CUBN: variants seen among roughly 807,000 people sequenced by gnomAD.
CUBN encodes the protein 460 kDa receptor.
Under a neutral mutation model 405.3 loss-of-function variants are expected in CUBN, and 282 were observed. The ratio of observed to expected loss-of-function variants is 0.70; its 90% CI spans 0.63 to 0.77. The LOEUF is 0.77. Ranked by LOEUF, CUBN falls within the 30% of genes least tolerant of loss-of-function variation. The pLI is 0.00. For synonymous variants in CUBN, 1,684 were observed against 1,617.0 expected, an observed-to-expected ratio of 1.04 and a Z score of -0.99; for missense variants, 4,514 against 4,475.2, an observed-to-expected ratio of 1.01 and a Z score of -0.25.
intron 36 of CUBN, among the ~76,000 whole-genome samples, chr10:16,945,320 C>T (rs1030815818): frequency 6.6e-6 from 1 of 152,176 alleles, no homozygotes; most frequent in African/African-American, 2.4e-5. Context: ...ATAGAAGGCA[C>T]CTCATAGGAG....
intron 5 of CUBN, chr10:17,123,312 T>G: frequency 1.9e-6 from 1 of 520,018 alleles, no homozygotes; most frequent in Non-Finnish European, 3.5e-6. Context: ...TTTCCAATGC[T>G]GAACAATTTA....
chr10:16,966,234 G>A lies in CUBN; in HGVS notation c.4696-11686C>T, dbSNP rs144705361. Among the ~76,000 whole-genome samples, 1,371 of 152,278 alleles carry A rather than the reference G, an allele frequency of 9.0e-3. 11 individuals carry two copies. The highest frequency in any genetic ancestry group is 0.015 in the Non-Finnish European group (1,053 of 68,022). On this transcript the variant is annotated intron_variant, in intron 31 of 66. Transcript: ENST00000377833. ...TGTCCTGCATTCCATTCCAGTGAAC[G>A]TGCATGGGATTCCCAGCATGGCTCA...
intron 4 of CUBN, among the ~76,000 whole-genome samples, chr10:17,126,347 T>C (rs1039862752): frequency 2.6e-5 from 4 of 152,136 alleles, no homozygotes; most frequent in South Asian, 4.1e-4. Flanking sequence ...TTTAAGAAAA[T>C]TCGGACTATT....
chr10:16,881,311 C>G (rs2131384480), intron 56 of CUBN, among the ~76,000 whole-genome samples: 1 of 152,262 alleles, frequency 6.6e-6, no homozygotes, highest in African/African-American at 2.4e-5. Context: ...TCTTAGAAAA[C>G]AGTGAAAAGG....
intron 27 of CUBN, among the ~76,000 whole-genome samples, chr10:17,031,769 G>A (rs947826993): frequency 6.6e-6 from 1 of 152,180 alleles, no homozygotes. Context: ...CTAAAGACTG[G>A]CGTTTACCTT....
At chr10:16,838,470 A>AT (rs1839241879) in intron 62 of CUBN, among the ~76,000 whole-genome samples, 1 of 152,222 alleles carries the variant, frequency 6.6e-6, no homozygotes, top group Non-Finnish European at 1.5e-5. Flanking sequence ...ATCCCTTTGC[A>AT]TATTTTCCCC....
Position 17,041,105 on chromosome 10 carries a change from G to C in CUBN, c.3945C>G (p.Gly1315=). Reference sequence around the variant, plus strand: ...CTAAAAATGTGTAGTTCACAGTGTTGCCTGTTGTTGCCCGGATGGTCCAGT... The same window carrying C: ...CTAAAAATGTGTAGTTCACAGTGTTCCCTGTTGTTGCCCGGATGGTCCAGT... The part of the protein sequence containing the change: ...HCNWTIRATT[G]NTVNYTFLAF... The change falls in exon 27 of 67, where the codon GGC becomes GGG. Residue 1315 remains glycine, a synonymous_variant. Transcript: ENST00000377833. 1 of 1,613,424 alleles carries C rather than the reference G, an allele frequency of 6.2e-7. No individual in the cohort carries two copies. The highest frequency in any genetic ancestry group is 8.5e-7 in the Non-Finnish European group (1 of 1,179,674).
At chr10:16,837,393 C>T (rs1331384179) in intron 62 of CUBN, among the ~76,000 whole-genome samples, 2 of 152,102 alleles carry the variant, frequency 1.3e-5, no homozygotes, top group African/African-American at 4.8e-5. Flanking sequence ...TCGACGGTCT[C>T]TACATCTGGC....
intron 15 of CUBN, among the ~76,000 whole-genome samples, chr10:17,085,993 G>C (rs1359242250): frequency 7.0e-6 from 1 of 142,160 alleles, no homozygotes; most frequent in Non-Finnish European, 1.5e-5. Context: ...TTGAGATGGA[G>C]TCTTGCTCTG....
intron 29 of CUBN, among the ~76,000 whole-genome samples, chr10:16,988,123 C>T (rs1013880874): frequency 2.0e-5 from 3 of 152,158 alleles, no homozygotes; most frequent in Admixed American, 6.5e-5. Flanking sequence ...TACTTTCTCC[C>T]GTAATGGGTA....
At chr10:17,024,056 C>T (rs1381668198) in intron 27 of CUBN, among the ~76,000 whole-genome samples, 1 of 144,312 alleles carries the variant, frequency 6.9e-6, no homozygotes, top group South Asian at 2.4e-4. Context: ...CTTAGCCATA[C>T]TTACCAGTTT....
intron 43 of CUBN, among the ~76,000 whole-genome samples, chr10:16,920,929 C>T (rs576209968): frequency 6.6e-6 from 1 of 152,308 alleles, no homozygotes; most frequent in South Asian, 2.1e-4. Context: ...TGTCATACTT[C>T]CAACTCCCCC....
Position 16,888,499 on chromosome 10 carries a change from G to A in CUBN, c.8823C>T (p.Asp2941=). 6.2e-7 allele frequency: 1 copy of A among 1,613,248 alleles called. No individual in the cohort carries two copies. The highest frequency in any genetic ancestry group is 8.5e-7 in the Non-Finnish European group (1 of 1,179,292). ...IISPNYPKQY[D]NNMNCTYVIE... is the part of the protein sequence containing the mutation. ...TGACATAGGTGCAATTCATGTTGTT[G>A]TCATATTGTTTTGGGTAATTTGGAG... Residue 2941 remains aspartate, a synonymous_variant, in exon 56 of 67, where the codon GAC becomes GAT. Coordinates refer to ENST00000377833, the MANE Select transcript of CUBN (RefSeq NM_001081.4).
At chr10:16,960,176 A>G (rs1188211050) in intron 31 of CUBN, among the ~76,000 whole-genome samples, 2 of 152,192 alleles carry the variant, frequency 1.3e-5, no homozygotes, top group East Asian at 3.8e-4. Context: ...ATAAAATGCC[A>G]AGATACTAAC....
At chr10:16,898,577 C>A (rs969050172) in intron 54 of CUBN, among the ~76,000 whole-genome samples, 3 of 152,172 alleles carry the variant, frequency 2.0e-5, no homozygotes, top group African/African-American at 7.2e-5. Flanking sequence ...CACTGCCACA[C>A]GAGCAGCATT....
chr10:17,027,718 T>C lies in CUBN; in HGVS notation c.4018-7735A>G, dbSNP rs141219529. Among the ~76,000 whole-genome samples the C allele has an allele frequency of 8.5e-5, 13 of 152,350 alleles. No individual in the cohort carries two copies. The East Asian group carries it at 2.5e-3, about 29-fold the overall frequency. On this transcript the variant is annotated intron_variant, in intron 27 of 66. Coordinates refer to ENST00000377833, the MANE Select transcript of CUBN (RefSeq NM_001081.4). ...GGCCTACTAAAAATATTAAATTGTC[T>C]ATCTCCATAATCTTTTCTTAAGTAT...
intron 4 of CUBN, among the ~76,000 whole-genome samples, 158 bp downstream of exon 4, chr10:17,126,603 C>A (rs1237270060): frequency 6.6e-6 from 1 of 152,138 alleles, no homozygotes; most frequent in Admixed American, 6.5e-5. Context: ...GCATCTGCAT[C>A]CTGGGAAGCA....
chr10:17,107,190 T>C (rs773147224), intron 10 of CUBN, among the ~76,000 whole-genome samples: 5 of 152,204 alleles, frequency 3.3e-5, no homozygotes, highest in Admixed American at 6.5e-5. Context: ...TCTTACGCAA[T>C]GTTAGGTTAA....
intron 27 of CUBN, among the ~76,000 whole-genome samples, chr10:17,040,390 C>A (rs1834992059): frequency 6.6e-6 from 1 of 152,058 alleles, no homozygotes; most frequent in Admixed American, 6.6e-5. Flanking sequence ...AATAACCTCC[C>A]AATTTGTAGC....
Sources: allele counts gnomAD v4.1 joint callset (sites outside exome capture counted in the v4.1 genomes callset), GRCh38; gene constraint gnomAD v4.1.1; transcripts MANE v1.5; gene names NCBI Gene and HGNC (gene_info 2026-07-23, HGNC 2026-07-21).